Variants in ZNF613 observed in about 807,000 individuals in gnomAD.
The protein encoded by ZNF613 is zinc finger protein 613.
In ZNF613, 8 loss-of-function variants were observed where a neutral mutation model predicts 14.3. That is an observed-to-expected ratio of 0.56 (90% confidence interval 0.33 to 1.01). The LOEUF is 1.01. Ranked by LOEUF, ZNF613 falls within the 50% of genes least tolerant of loss-of-function variation. The pLI is 0.03. For missense variants in ZNF613, 656 were observed against 741.9 expected (o/e 0.88, Z 1.35); for synonymous variants, 228 against 254.5 (o/e 0.90, Z 0.99).
chr19:51,932,351 C>A (rs1275544386), intron 2 of ZNF613, among the ~76,000 whole-genome samples: 1 of 145,666 alleles, frequency 6.9e-6, no homozygotes, highest in African/African-American at 2.5e-5. Flanking sequence ...CTCTTGTTGC[C>A]CTGGCTAGAG....
chr19:51,929,394 C>A (rs895325440), intron 1 of ZNF613, among the ~76,000 whole-genome samples: 2 of 152,092 alleles, frequency 1.3e-5, no homozygotes, highest in African/African-American at 2.4e-5. Flanking sequence ...TTCTCCCTGA[C>A]CCTCATCAGC....
chr19:51,941,807 C>T (rs1467272821), intron 5 of ZNF613, among the ~76,000 whole-genome samples: 1 of 152,214 alleles, frequency 6.6e-6, no homozygotes, highest in Non-Finnish European at 1.5e-5. Context: ...TCCCTGCCTC[C>T]TCAGCTACCG....
chr19:51,933,279 CTG>C (rs2085281232), intron 2 of ZNF613, among the ~76,000 whole-genome samples: 1 of 152,224 alleles, frequency 6.6e-6, no homozygotes, highest in South Asian at 2.1e-4. Flanking sequence ...AACCTTTCCT[CTG>C]TGACTCAAGT....
rs748193726 is a variant in ZNF613 at position 51,944,336 on chromosome 19, C to A, written c.453C>A (p.Ile151=). Residue 151 remains isoleucine (I), a synonymous_variant, in exon 6 of 6, where the codon ATC becomes ATA. Transcript: ENST00000293471. ...TCAACCAGAACAAAAGGTATGAAATCAAGAATTCTGTGGGGGTTAATGGAG... is the reference window on the plus strand; with the variant it reads ...TCAACCAGAACAAAAGGTATGAAATAAAGAATTCTGTGGGGGTTAATGGAG... ...SLVNQNKRYE[I]KNSVGVNGDG... 6.3e-7 allele frequency: 1 copy of A among 1,593,086 alleles called. No homozygotes were observed.
At chr19:51,933,919 C>A (rs573519465) in intron 2 of ZNF613, among the ~76,000 whole-genome samples, 1 of 152,332 alleles carries the variant, frequency 6.6e-6, no homozygotes, top group Non-Finnish European at 1.5e-5. Context: ...CTGCCTCAGC[C>A]TCTTGAGTAG....
Position 51,945,517 on chromosome 19 carries a change from A to G in ZNF613, c.1634A>G (p.Lys545Arg). ...AGAGAGAAATGTGTAGGTTCAGTCAAATTGGAAAATCCTTGCTCAGAGAGT... is the reference window on the plus strand; with the variant it reads ...AGAGAGAAATGTGTAGGTTCAGTCAGATTGGAAAATCCTTGCTCAGAGAGT... ...HAREKCVGSV[K>R]LENPCSESHS... The change falls in exon 6 of 6, where the codon AAA becomes AGA. Residue 545 changes from lysine to arginine, a missense_variant. Transcript: ENST00000293471. 2 of 1,614,180 alleles carry G rather than the reference A, an allele frequency of 1.2e-6. No individual in the cohort carries two copies. The highest frequency in any genetic ancestry group is 1.7e-6 in the Non-Finnish European group (2 of 1,180,026).
chr19:51,945,560 A>G lies in ZNF613; in HGVS notation c.1677A>G (p.Thr559=). Residue 559 remains threonine, a synonymous_variant, in exon 6 of 6, where the codon ACA becomes ACG. Transcript: ENST00000293471. ...CAGAGAGTCATAGCTTATCACATAC[A>G]CGTGATCTCATACAGGATAAAGACT... ...PCSESHSLSH[T]RDLIQDKDSV... is the part of the protein sequence containing the mutation. 1 of 1,614,110 alleles carries G rather than the reference A, an allele frequency of 6.2e-7. No individual in the cohort carries two copies. The highest frequency in any genetic ancestry group is 1.3e-5 in the African/African-American group (1 of 75,010).
chr19:51,928,034 C>T (rs1047513402), intron 1 of ZNF613: 1 of 133,098 alleles, frequency 7.5e-6, no homozygotes, highest in Non-Finnish European at 1.5e-5. Flanking sequence ...ATCTATCTAT[C>T]TAATCTGTCT....
chr19:51,939,720 G>A (rs1055471489), intron 3 of ZNF613, among the ~76,000 whole-genome samples: 7 of 152,086 alleles, frequency 4.6e-5, no homozygotes, highest in African/African-American at 1.7e-4. Context: ...TTTGGAAAGA[G>A]TCTTTTACTC....
At chr19:51,943,034 CAT>C (rs2085363578) in intron 5 of ZNF613, among the ~76,000 whole-genome samples, 1 of 152,098 alleles carries the variant, frequency 6.6e-6, no homozygotes, top group African/African-American at 2.4e-5. Flanking sequence ...GATGAGGAAA[CAT>C]GAGGGAGTTT....
At chr19:51,934,596 T>G (rs1251741052) in intron 2 of ZNF613, among the ~76,000 whole-genome samples, 1 of 152,234 alleles carries the variant, frequency 6.6e-6, no homozygotes, top group Non-Finnish European at 1.5e-5. Flanking sequence ...TTGGTAGTGA[T>G]GCTTTAGAAT....
chr19:51,939,648 G>A (rs1190767368), intron 3 of ZNF613, among the ~76,000 whole-genome samples: 1 of 152,052 alleles, frequency 6.6e-6, no homozygotes, highest in African/African-American at 2.4e-5. Flanking sequence ...TATTTTGTAA[G>A]CCAGTCACAT....
At chr19:51,941,128 C>T (rs536630583) in intron 5 of ZNF613, among the ~76,000 whole-genome samples, 11 of 152,256 alleles carry the variant, frequency 7.2e-5, no homozygotes, top group African/African-American at 2.6e-4. Context: ...GACGGGGTTT[C>T]ACCAAGTTGA....
chr19:51,933,830 G>C (rs192838494), intron 2 of ZNF613, among the ~76,000 whole-genome samples: 1 of 152,268 alleles, frequency 6.6e-6, no homozygotes, highest in Admixed American at 6.5e-5. Context: ...ATGGAGTCTA[G>C]CTCTGTCACC....
chr19:51,927,647 T>G (rs886112590), intron 1 of ZNF613, 107 bp downstream of exon 1: 9 of 150,710 alleles, frequency 6.0e-5, no homozygotes, highest in Admixed American at 5.3e-4. Flanking sequence ...CAAGTGGGAG[T>G]CGGGGTATTG....
At chr19:51,940,565 G>A in intron 4 of ZNF613, 52 bp from the exon 5 acceptor site, 1 of 1,561,226 alleles carries the variant, frequency 6.4e-7, no homozygotes, top group Admixed American at 1.8e-5. Context: ...CATGTTGATA[G>A]ACCACAGCTC....
chr19:51,931,942 C>G (rs2085268768), intron 2 of ZNF613, among the ~76,000 whole-genome samples: 1 of 152,148 alleles, frequency 6.6e-6, no homozygotes, highest in Non-Finnish European at 1.5e-5. Context: ...AAGAAGGGGT[C>G]AGGGGGCACC....
At chr19:51,941,981 T>C (rs1185864998) in intron 5 of ZNF613, among the ~76,000 whole-genome samples, 2 of 152,236 alleles carry the variant, frequency 1.3e-5, no homozygotes, top group East Asian at 1.9e-4. Flanking sequence ...GCTGGACTTA[T>C]TCCCTTAAAG....
At chr19:51,931,171 C>A (rs1252958066) in intron 2 of ZNF613, among the ~76,000 whole-genome samples, 2 of 152,162 alleles carry the variant, frequency 1.3e-5, no homozygotes, top group African/African-American at 4.8e-5. Context: ...AGACCTAAAT[C>A]CTTTACGTCA....
Sources: allele counts gnomAD v4.1 joint callset (sites outside exome capture counted in the v4.1 genomes callset), GRCh38; gene constraint gnomAD v4.1.1; transcripts MANE v1.5; gene names NCBI Gene and HGNC (gene_info 2026-07-23, HGNC 2026-07-21).